Variants in FBXL2 observed in about 807,000 individuals in gnomAD.
FBXL2 encodes F-box/LRR-repeat protein 2.
A neutral mutation model predicts 69.2 loss-of-function variants in FBXL2; 38 were observed. The ratio of observed to expected loss-of-function variants is 0.55; its 90% CI spans 0.42 to 0.72. FBXL2 has a LOEUF of 0.72. Among genes scored for constraint, FBXL2 ranks in the 30% least tolerant of loss-of-function variants. The pLI is 0.00. For missense variants in FBXL2, 354 were observed against 520.3 expected (o/e 0.68, Z 3.11); for synonymous variants, 192 against 201.3 (o/e 0.95, Z 0.39).
At chr3:33,396,072 A>G (rs1223320233) in intron 12 of FBXL2, 7 of 1,207,980 alleles carry the variant, frequency 5.8e-6, no homozygotes, top group Non-Finnish European at 8.0e-6. Context: ...TAACACAGCA[A>G]GAGTTCTCCA....
At chr3:33,312,933 C>T (rs1052663778) in intron 2 of FBXL2, among the ~76,000 whole-genome samples, 52 of 151,814 alleles carry the variant, frequency 3.4e-4, no homozygotes, top group Non-Finnish European at 6.3e-4. Flanking sequence ...CCAGCCTGGG[C>T]AACACAAGGA....
chr3:33,292,864 C>CT (rs1444715206), intron 1 of FBXL2, among the ~76,000 whole-genome samples: 1 of 151,994 alleles, frequency 6.6e-6, no homozygotes, highest in Non-Finnish European at 1.5e-5. Context: ...ACAAAATAGA[C>CT]TAAGTTATAA....
In FBXL2 at chr3:33,351,972, A is replaced by G. The variant is rs1299867291; in HGVS notation, c.66-6995A>G. Among the ~76,000 whole-genome samples, 7 of 152,032 alleles carry G rather than the reference A, an allele frequency of 4.6e-5. 1 individual carries two copies. The highest frequency in any genetic ancestry group is 1.7e-4 in the African/African-American group (7 of 41,484). ...GGGACCCCCATCACTTAAAAAAAAA[A>G]AAAAAAAAAGTTAATATGGAGAAGC... On this transcript the variant is annotated intron_variant, in intron 2 of 14. Transcript: ENST00000484457.
chr3:33,376,066 G>C (rs1181708025), intron 10 of FBXL2, among the ~76,000 whole-genome samples: 1 of 151,668 alleles, frequency 6.6e-6, no homozygotes, highest in Non-Finnish European at 1.5e-5. Context: ...TGAGGCAGGA[G>C]AATTGCTTGA....
chr3:33,292,670 A>G (rs1407207711), intron 1 of FBXL2, among the ~76,000 whole-genome samples: 2 of 152,156 alleles, frequency 1.3e-5, no homozygotes, highest in Admixed American at 1.3e-4. Flanking sequence ...CCTTATTAGT[A>G]ATTACTATAA....
intron 1 of FBXL2, among the ~76,000 whole-genome samples, chr3:33,285,732 G>T (rs1034881203): frequency 1.3e-5 from 2 of 152,138 alleles, no homozygotes; most frequent in Non-Finnish European, 2.9e-5. Context: ...TGGAGGCTTT[G>T]TTCATTTCTT....
downstream of FBXL2, among the ~76,000 whole-genome samples, chr3:33,404,554 G>GTT (rs1227124067): frequency 9.2e-5 from 14 of 151,812 alleles, no homozygotes; most frequent in Non-Finnish European, 2.9e-5. Context: ...GTCTGAGACA[G>GTT]GAGAATTGCT....
At chr3:33,407,052 T>C (rs1485367061), downstream of FBXL2, among the ~76,000 whole-genome samples, 2 of 152,226 alleles carry the variant, frequency 1.3e-5, no homozygotes, top group Non-Finnish European at 2.9e-5. Flanking sequence ...TTGTAGGAGT[T>C]TGAAGAAACA....
intron 1 of FBXL2, among the ~76,000 whole-genome samples, chr3:33,285,936 G>A (rs1055780039): frequency 3.9e-5 from 6 of 152,076 alleles, no homozygotes; most frequent in Non-Finnish European, 7.3e-5. Context: ...TTTGCCATTC[G>A]TCTAATCTTT....
Position 33,375,437 on chromosome 3 carries a change from T to C in FBXL2, c.788+19T>C. The C allele has an allele frequency of 7.5e-6, 12 of 1,606,688 alleles. No homozygotes were observed. Among genetic ancestry groups the C allele is most frequent in the South Asian group, 1.1e-5 (1 of 90,758 alleles). Reference sequence around the variant, plus strand: ...GACTGCAGTGAGTACACTGCACTTTTTGCTTTGCAGCTCAGAGTTTGGCTG... The same window carrying C: ...GACTGCAGTGAGTACACTGCACTTTCTGCTTTGCAGCTCAGAGTTTGGCTG... On this transcript the variant is annotated intron_variant, in intron 10 of 14. Coordinates refer to ENST00000484457, the MANE Select transcript of FBXL2 (RefSeq NM_012157.5).
chr3:33,300,382 A>G (rs1305596478), intron 2 of FBXL2: 5 of 152,204 alleles, frequency 3.3e-5, no homozygotes, highest in African/African-American at 1.2e-4. Flanking sequence ...GGAATTCTGG[A>G]GGTTGTCATC....
chr3:33,282,538 T>C (rs2034140077), intron 1 of FBXL2, among the ~76,000 whole-genome samples: 1 of 152,212 alleles, frequency 6.6e-6, no homozygotes, highest in South Asian at 2.1e-4. Context: ...AGGCTCTTTT[T>C]TGGTTCCATA....
the FBXL2 span, among the ~76,000 whole-genome samples, chr3:33,417,863 A>C: frequency 6.6e-6 from 1 of 152,244 alleles, no homozygotes; most frequent in Non-Finnish European, 1.5e-5. Flanking sequence ...AAAGGATTCT[A>C]GATTATAGGG....
chr3:33,344,711 A>T (rs1483787810), intron 2 of FBXL2, among the ~76,000 whole-genome samples: 2 of 152,208 alleles, frequency 1.3e-5, no homozygotes, highest in African/African-American at 4.8e-5. Context: ...TAGGAAAGAA[A>T]ATTAAACCAA....
intron 10 of FBXL2, among the ~76,000 whole-genome samples, chr3:33,376,055 C>T (rs529297553): frequency 1.3e-5 from 2 of 151,936 alleles, no homozygotes; most frequent in Admixed American, 1.3e-4. Flanking sequence ...ACTCGGAATG[C>T]TGAGGCAGGA....
At chr3:33,393,525 G>C (rs1380476706) in intron 12 of FBXL2, 38 of 1,480,624 alleles carry the variant, frequency 2.6e-5, no homozygotes, top group Non-Finnish European at 3.3e-5. Context: ...CTGATCTGTA[G>C]GATCTGTACG....
At chr3:33,402,252 G>A (rs73051538) in intron 12 of FBXL2, among the ~76,000 whole-genome samples, 1 of 152,276 alleles carries the variant, frequency 6.6e-6, no homozygotes, top group Non-Finnish European at 1.5e-5. Context: ...CCCACCCTGA[G>A]CTTACTCTAG....
At chr3:33,322,413 G>C (rs558876150) in intron 2 of FBXL2, among the ~76,000 whole-genome samples, 1 of 151,832 alleles carries the variant, frequency 6.6e-6, no homozygotes, top group Middle Eastern at 3.2e-3. Context: ...TTATAGCAGT[G>C]GTATTCATAA....
chr3:33,418,774 G>A, the FBXL2 span, among the ~76,000 whole-genome samples: 3 of 149,902 alleles, frequency 2.0e-5, no homozygotes, highest in Non-Finnish European at 3.0e-5. Flanking sequence ...CAGAAGAATC[G>A]CTTGAACCTG....
Sources: allele counts gnomAD v4.1 joint callset (sites outside exome capture counted in the v4.1 genomes callset), GRCh38; gene constraint gnomAD v4.1.1; transcripts MANE v1.5; gene names NCBI Gene and HGNC (gene_info 2026-07-23, HGNC 2026-07-21).